The following TLE4 variants were observed in gnomAD, a reference collection of about 807,000 sequenced individuals.
The protein encoded by TLE4 is transducin-like enhancer protein 4.
In TLE4, 8 loss-of-function variants were observed where a neutral mutation model predicts 92.8. That is an observed-to-expected ratio of 0.09 (90% CI 0.05 to 0.16). The LOEUF (loss-of-function observed/expected upper bound fraction) is 0.16. Among genes scored for constraint, TLE4 ranks in the 10% least tolerant of loss-of-function variants. The probability of loss-of-function intolerance (pLI) is 1.00; values close to 1 mark genes in which losing one functional copy is unlikely to be tolerated. For synonymous variants in TLE4, 371 were observed against 374.1 expected (o/e 0.99, Z 0.10); for missense variants, 675 against 997.6 (o/e 0.68, Z 4.36).
intron 4 of TLE4, among the ~76,000 whole-genome samples, chr9:79,591,317 G>T (rs933814917): frequency 2.2e-4 from 33 of 152,166 alleles, no homozygotes. Context: ...TGAAAGGAAA[G>T]GGTAGGATTC....
chr9:79,575,824 C>T lies in TLE4; in HGVS notation c.208-309C>T, dbSNP rs561578912. ...CTGCTGTGCTTAGGAATTAAGAGTC[C>T]GTAGGATACCAAATTTTCATCAGAC... On this transcript the variant is annotated intron_variant, in intron 3 of 19. Coordinates refer to ENST00000376552, the MANE Select transcript of TLE4 (RefSeq NM_007005.6). The T allele has an allele frequency of 9.4e-5, 22 of 234,624 alleles. No homozygotes were observed. In the South Asian group the frequency reaches 1.1e-3, roughly 11 times the overall value. The allele number at this position is 234,624 out of a possible 1,614,324, so 14.5% of individuals were successfully genotyped here.
At chr9:79,597,284 A>G (rs1350800767) in intron 4 of TLE4, among the ~76,000 whole-genome samples, 1 of 151,964 alleles carries the variant, frequency 6.6e-6, no homozygotes, top group African/African-American at 2.4e-5. Flanking sequence ...CTGTTCTCTT[A>G]TCTGGGCTTG....
intron 8 of TLE4, among the ~76,000 whole-genome samples, chr9:79,655,599 T>C (rs1444171849): frequency 6.6e-6 from 1 of 152,252 alleles, no homozygotes; most frequent in Non-Finnish European, 1.5e-5. Context: ...TATTTAATTA[T>C]GCATTTGCAG....
intron 8 of TLE4, among the ~76,000 whole-genome samples, chr9:79,675,510 A>G (rs1240112964): frequency 6.6e-6 from 1 of 152,238 alleles, no homozygotes; most frequent in Non-Finnish European, 1.5e-5. Context: ...GTGAATCTAC[A>G]TGAAAACAAT....
chr9:79,697,203 G>GAGGT lies in TLE4; in HGVS notation c.610-7579_610-7576dup, dbSNP rs1378066819. On this transcript the variant is annotated intron_variant, in intron 8 of 19. Coordinates refer to ENST00000376552, the MANE Select transcript of TLE4 (RefSeq NM_007005.6). ...AATGTTAGACTTTGCAAACTTTGAG[G>GAGGT]AGGTCCATTGGATTGAAAAGTGCGA... 3.3e-5 allele frequency among the ~76,000 whole-genome samples: 5 copies of GAGGT among 152,254 alleles called. No homozygotes were observed. In the East Asian group the frequency reaches 9.6e-4, roughly 29 times the overall value.
At chr9:79,699,674 T>G (rs1237583075) in intron 8 of TLE4, among the ~76,000 whole-genome samples, 3 of 152,238 alleles carry the variant, frequency 2.0e-5, no homozygotes, top group Non-Finnish European at 4.4e-5. Context: ...ATGGTTTCCA[T>G]GCGACCTTTA....
chr9:79,596,757 A>G (rs763227535), intron 4 of TLE4, among the ~76,000 whole-genome samples: 6 of 152,154 alleles, frequency 3.9e-5, no homozygotes, highest in Non-Finnish European at 7.4e-5. Context: ...TCGTAAGCCT[A>G]CCCTCATAAA....
chr9:79,715,079 C>G (rs568792541), intron 14 of TLE4, among the ~76,000 whole-genome samples: 1 of 152,082 alleles, frequency 6.6e-6, no homozygotes, highest in East Asian at 1.9e-4. Flanking sequence ...AGGACTCTTG[C>G]CAGGAACATA....
chr9:79,610,552 C>A (rs1459612686), intron 4 of TLE4, among the ~76,000 whole-genome samples: 1 of 152,034 alleles, frequency 6.6e-6, no homozygotes, highest in East Asian at 1.9e-4. Flanking sequence ...CCCCACCCCC[C>A]CACTGCCAAT....
chr9:79,720,409 T>TAAA, intron 16 of TLE4, 116 bp downstream of exon 16: 4 of 1,232,540 alleles, frequency 3.2e-6, no homozygotes, highest in South Asian at 3.6e-5. Context: ...TGTGTGTGTG[T>TAAA]GTGTGTGTGT....
chr9:79,724,849 TAAAAAAAAAAAA>T (rs947971071), intron 19 of TLE4, among the ~76,000 whole-genome samples, 176 bp from the exon 20 acceptor site: 22 of 25,976 alleles, frequency 8.5e-4, no homozygotes, highest in East Asian at 3.1e-3. Context: ...CCTGTCTTAT[TAAAAAAAAAAAA>T]AAAAAAAAAA....
intron 11 of TLE4, chr9:79,707,173 A>T (rs748066550): frequency 6.2e-7 from 1 of 1,612,960 alleles, no homozygotes; most frequent in Non-Finnish European, 8.5e-7. Flanking sequence ...AAGATGAACA[A>T]TGCACATTGG....
chr9:79,722,348 T>A (rs975956929), intron 17 of TLE4, 103 bp from the exon 18 acceptor site: 1 of 1,339,240 alleles, frequency 7.5e-7, no homozygotes, highest in Non-Finnish European at 1.0e-6. Context: ...TTATCTTGAT[T>A]TTCTTCATAA....
intron 8 of TLE4, among the ~76,000 whole-genome samples, chr9:79,684,663 G>A (rs1385202516): frequency 1.3e-5 from 2 of 152,160 alleles, no homozygotes; most frequent in African/African-American, 4.8e-5. Context: ...AAAGATTGGG[G>A]ACTGCTGGTC....
chr9:79,652,760 T>C lies in TLE4; in HGVS notation c.558T>C (p.Asp186=). The change falls in exon 7 of 20, where the codon GAT becomes GAC. Residue 186 remains aspartate, a synonymous_variant. Coordinates refer to ENST00000376552, the MANE Select transcript of TLE4 (RefSeq NM_007005.6). ...GTCAGTCCCATCTTCCAATTAAAGA[T>C]GAGAAGAAGCACCATGACAATGATC... ...LGGQSHLPIK[D]EKKHHDNDHQ... is the part of the protein sequence containing the mutation. 5 of 1,614,144 alleles carry C rather than the reference T, an allele frequency of 3.1e-6. No individual in the cohort carries two copies. Among genetic ancestry groups the C allele is most frequent in the Non-Finnish European group, 4.2e-6 (5 of 1,180,026 alleles).
Position 79,718,807 on chromosome 9 carries a change from C to T in TLE4, c.1426C>T (p.Arg476Trp), listed in dbSNP as rs746243498. The change falls in exon 15 of 20, where the codon CGG (arginine) becomes TGG (tryptophan). Residue 476 changes from arginine to tryptophan, a missense_variant. Physicochemically the swap from Arg to Trp is moderately radical, Grantham distance 101. This residue lies in a region of TLE4 where 119 missense variants were observed against 175.9 expected (regional missense o/e 0.68). Transcript: ENST00000376552. ...CGCCCTCATCGGACCTGGAATCCCCCGGCATGCTCGCCAGATCAACACCCT... is the reference window on the plus strand; with the variant it reads ...CGCCCTCATCGGACCTGGAATCCCCTGGCATGCTCGCCAGATCAACACCCT... ...PDALIGPGIP[R>W]HARQINTLNH... The T allele has an allele frequency of 3.7e-6, 6 of 1,613,978 alleles. No homozygotes were observed. The highest frequency in any genetic ancestry group is 3.3e-5 in the South Asian group (3 of 91,076).
chr9:79,574,417 G>A (rs1172202049), intron 2 of TLE4, among the ~76,000 whole-genome samples: 1 of 151,850 alleles, frequency 6.6e-6, no homozygotes, highest in Non-Finnish European at 1.5e-5. Flanking sequence ...GTTTTGGAGG[G>A]AAAAAAACAA....
At chr9:79,696,228 T>C (rs1446173628) in intron 8 of TLE4, among the ~76,000 whole-genome samples, 1 of 152,222 alleles carries the variant, frequency 6.6e-6, no homozygotes, top group East Asian at 1.9e-4. Context: ...TTGGATTAAA[T>C]AGATGACCAC....
At chr9:79,630,252 GT>G (rs1179309027) in intron 6 of TLE4, among the ~76,000 whole-genome samples, 3 of 152,156 alleles carry the variant, frequency 2.0e-5, no homozygotes, top group Admixed American at 6.5e-5. Context: ...GATCCATGCA[GT>G]TTAAATGCAA....
Sources: gnomAD v4.1 joint callset for allele counts (sites outside exome capture counted in the v4.1 genomes callset) on GRCh38, gnomAD v4.1.1 for gene constraint, gnomAD v4.1.1 regional missense constraint, MANE v1.5 for transcripts, NCBI Gene and HGNC (gene_info 2026-07-23, HGNC 2026-07-21) for gene names.